Variants in CTDSPL observed in about 807,000 individuals in gnomAD.
CTDSPL encodes the protein CTD small phosphatase like, also known as CTD small phosphatase-like protein.
CTDSPL carries 8 observed loss-of-function variants against 30.5 expected under a neutral mutation model. That is an observed-to-expected ratio of 0.26 (90% CI 0.15 to 0.47). The LOEUF (loss-of-function observed/expected upper bound fraction) is 0.47. Ranked by LOEUF, CTDSPL falls within the 20% of genes least tolerant of loss-of-function variation. CTDSPL has a pLI of 0.99. For missense variants in CTDSPL, 248 were observed against 366.1 expected (o/e 0.68, Z 2.63); for synonymous variants, 110 against 137.9 (o/e 0.80, Z 1.42).
intron 1 of CTDSPL, among the ~76,000 whole-genome samples, chr3:37,866,607 A>G (rs1185470109): frequency 1.3e-5 from 2 of 152,254 alleles, no homozygotes; most frequent in African/African-American, 2.4e-5. Context: ...CTCAATTAGT[A>G]TGCAGTATTA....
At chr3:37,897,502 C>A (rs1698402678) in intron 1 of CTDSPL, among the ~76,000 whole-genome samples, 2 of 152,072 alleles carry the variant, frequency 1.3e-5, no homozygotes, top group African/African-American at 2.4e-5. Flanking sequence ...AATTTCATTT[C>A]TTGAAAAGAA....
intron 1 of CTDSPL, among the ~76,000 whole-genome samples, chr3:37,914,963 C>G (rs1338816129): frequency 6.8e-6 from 1 of 148,074 alleles, no homozygotes; most frequent in Non-Finnish European, 1.5e-5. Flanking sequence ...CTCACTGCAG[C>G]CTCAACCTCC....
At chr3:37,957,435 AG>A (rs1342052337) in intron 3 of CTDSPL, among the ~76,000 whole-genome samples, 1 of 152,092 alleles carries the variant, frequency 6.6e-6, no homozygotes, top group Non-Finnish European at 1.5e-5. Flanking sequence ...GAACAAGCTG[AG>A]GTTGCTCAGA....
At chr3:37,878,864 G>A (rs758347542) in intron 1 of CTDSPL, among the ~76,000 whole-genome samples, 12 of 152,110 alleles carry the variant, frequency 7.9e-5, no homozygotes, top group Admixed American at 1.3e-4. Flanking sequence ...AGATAAATAA[G>A]CATTTGAGTT....
At chr3:37,962,723 C>T (rs1004482516) in intron 3 of CTDSPL, among the ~76,000 whole-genome samples, 3 of 152,028 alleles carry the variant, frequency 2.0e-5, no homozygotes, top group South Asian at 2.1e-4. Flanking sequence ...AGTTTATAAA[C>T]GCATAGGAAA....
Position 37,862,186 on chromosome 3 carries a change from C to T in CTDSPL, c.-14C>T. The T allele has an allele frequency of 3.4e-6, 4 of 1,183,016 alleles. No individual in the cohort carries two copies. The South Asian group carries it at 1.4e-4, about 43-fold the overall frequency. 73.3% of individuals were successfully genotyped at this position (1,183,016 alleles called of 1,614,324 possible). ...GGGGGCCGGGCCTGCGGGCGGCCGC[C>T]GCGCCGCGCACCCATGGACGGCCCG... On this transcript the variant is annotated 5_prime_UTR_variant, in exon 1 of 8. Coordinates refer to ENST00000273179, the MANE Select transcript of CTDSPL (RefSeq NM_001008392.2). This position sits in a 1 kb window ranked among gnomAD's most constrained non-coding sequence, Gnocchi z 4.3.
chr3:37,880,030 T>C, intron 1 of CTDSPL, among the ~76,000 whole-genome samples: 1 of 151,102 alleles, frequency 6.6e-6, no homozygotes, highest in East Asian at 1.9e-4. Flanking sequence ...ATTTGAGGTA[T>C]TTAAGCACAG....
chr3:37,863,452 TGG>T (rs1167138162), intron 1 of CTDSPL, among the ~76,000 whole-genome samples: 2 of 152,250 alleles, frequency 1.3e-5, no homozygotes, highest in African/African-American at 2.4e-5. Flanking sequence ...TGTTGGGACT[TGG>T]ACAGACTGTT....
At chr3:37,952,358 A>G (rs1319227548) in intron 2 of CTDSPL, among the ~76,000 whole-genome samples, 1 of 152,240 alleles carries the variant, frequency 6.6e-6, no homozygotes, top group Admixed American at 6.5e-5. Flanking sequence ...TGATGATGCC[A>G]TCAAGAATCT....
At chr3:37,864,095 G>A (rs1697979090) in intron 1 of CTDSPL, among the ~76,000 whole-genome samples, 1 of 152,118 alleles carries the variant, frequency 6.6e-6, no homozygotes, top group Middle Eastern at 3.2e-3. Flanking sequence ...GCATCAAGGA[G>A]GTTTGCTTCC....
chr3:37,912,099 T>G (rs999461242), intron 1 of CTDSPL, among the ~76,000 whole-genome samples: 3 of 152,194 alleles, frequency 2.0e-5, no homozygotes, highest in African/African-American at 7.2e-5. Context: ...TAACTACAGT[T>G]CTGCATATTC....
chr3:37,905,944 C>T (rs1355784351), intron 1 of CTDSPL, among the ~76,000 whole-genome samples: 4 of 152,184 alleles, frequency 2.6e-5, no homozygotes, highest in Admixed American at 2.6e-4. Flanking sequence ...TGGACTGGCA[C>T]CCAGGGATTG....
rs949957273 is a variant in CTDSPL, at chr3:37,862,538, G to T, written c.79+260G>T. Among the ~76,000 whole-genome samples the T allele has an allele frequency of 1.3e-4, 20 of 152,162 alleles. No homozygotes were observed. The highest frequency in any genetic ancestry group is 4.6e-4 in the African/African-American group (19 of 41,446). On this transcript the variant is annotated intron_variant, in intron 1 of 7. Coordinates refer to ENST00000273179, the MANE Select transcript of CTDSPL (RefSeq NM_001008392.2). The surrounding 1 kb of genome is among the most constrained non-coding windows in gnomAD (Gnocchi z 4.3). ...ACCGGGAGGTTGTGAGTTTGTGTGCGCGCACGCCCGCAGAGAAGTTGTGAG... is the reference window on the plus strand; with the variant it reads ...ACCGGGAGGTTGTGAGTTTGTGTGCTCGCACGCCCGCAGAGAAGTTGTGAG...
At chr3:37,886,888 A>G (rs1359234796) in intron 1 of CTDSPL, among the ~76,000 whole-genome samples, 1 of 152,206 alleles carries the variant, frequency 6.6e-6, no homozygotes, top group Non-Finnish European at 1.5e-5. Flanking sequence ...AGTATTTCCA[A>G]GAAAACCTCC....
chr3:37,983,093 T>G lies in CTDSPL; in HGVS notation c.*2226T>G, dbSNP rs985011632. ...CTTCACCTAGTAGTTCCTGAAACTGTGAGCACCACTGCACTAAGCCAGTGC... is the reference window on the plus strand; with the variant it reads ...CTTCACCTAGTAGTTCCTGAAACTGGGAGCACCACTGCACTAAGCCAGTGC... On this transcript the variant is annotated 3_prime_UTR_variant, in exon 8 of 8. Transcript: ENST00000273179. The G allele has an allele frequency of 1.2e-5, 2 of 169,264 alleles. No homozygotes were observed. The highest frequency in any genetic ancestry group is 4.8e-5 in the African/African-American group (2 of 41,820). The allele number at this position is 169,264 out of a possible 1,614,324, so 10.5% of individuals were successfully genotyped here.
At chr3:37,950,708 G>C (rs1024339142) in intron 2 of CTDSPL, among the ~76,000 whole-genome samples, 2 of 152,184 alleles carry the variant, frequency 1.3e-5, no homozygotes, top group African/African-American at 4.8e-5. Flanking sequence ...TGAATCTGTG[G>C]ATTGAAGGAG....
intron 1 of CTDSPL, among the ~76,000 whole-genome samples, chr3:37,866,857 G>A (rs1165500874): frequency 6.6e-6 from 1 of 152,172 alleles, no homozygotes; most frequent in African/African-American, 2.4e-5. Flanking sequence ...GATGACAGAA[G>A]CAGATTTATA....
At chr3:37,949,011 G>A (rs906616485) in intron 2 of CTDSPL, among the ~76,000 whole-genome samples, 3 of 151,312 alleles carry the variant, frequency 2.0e-5, no homozygotes, top group Non-Finnish European at 2.9e-5. Flanking sequence ...TAGTAGAGAC[G>A]GGGTTTCACC....
At chr3:37,905,234 C>T (rs111461337) in intron 1 of CTDSPL, among the ~76,000 whole-genome samples, 4,001 of 152,258 alleles carry the variant, frequency 0.026, 74 homozygotes, top group Non-Finnish European at 0.043. Context: ...CTGATACAAG[C>T]CTGTTATCCA....
Sources: allele counts gnomAD v4.1 joint callset (sites outside exome capture counted in the v4.1 genomes callset), GRCh38; gene constraint gnomAD v4.1.1; non-coding constraint Gnocchi (gnomAD v3.1); transcripts MANE v1.5; gene names NCBI Gene and HGNC (gene_info 2026-07-23, HGNC 2026-07-21).